CCSER2: variants seen among roughly 807,000 people sequenced by gnomAD.
CCSER2 encodes coiled-coil serine rich protein 2.
In CCSER2, 46 loss-of-function variants were observed where a neutral mutation model predicts 92.3. The ratio of observed to expected loss-of-function variants is 0.50; its 90% CI spans 0.39 to 0.64. The LOEUF (loss-of-function observed/expected upper bound fraction) is 0.64. CCSER2 is among the 30% of genes least tolerant of loss of function. The probability of loss-of-function intolerance (pLI) is 0.00; values close to 1 mark genes in which losing one functional copy is unlikely to be tolerated. For missense variants in CCSER2, 1,244 were observed against 1,238.9 expected (o/e 1.00, Z -0.06); for synonymous variants, 433 against 431.4 (o/e 1.00, Z -0.04).
intron 3 of CCSER2, chr10:84,392,041 G>C (rs1841549328): frequency 3.3e-6 from 4 of 1,211,304 alleles, no homozygotes; most frequent in Non-Finnish European, 4.9e-6. Flanking sequence ...AGCTGTTTAT[G>C]GTGTTTAATA....
chr10:84,373,487 A>G, intron 2 of CCSER2, 132 bp from the exon 3 acceptor site: 1 of 627,876 alleles, frequency 1.6e-6, no homozygotes, highest in Non-Finnish European at 2.7e-6. Context: ...GGATATAGAA[A>G]ATGCTACAGT....
At chr10:84,457,463 A>AAT (rs1288537809) in intron 6 of CCSER2, among the ~76,000 whole-genome samples, 5 of 111,286 alleles carry the variant, frequency 4.5e-5, no homozygotes, top group African/African-American at 1.1e-4. Flanking sequence ...TAAAATATAT[A>AAT]ATATATATAT....
chr10:84,456,914 C>G (rs1478438953), intron 6 of CCSER2, among the ~76,000 whole-genome samples: 1 of 151,626 alleles, frequency 6.6e-6, no homozygotes, highest in Non-Finnish European at 1.5e-5. Context: ...CCTATTAACA[C>G]AAATGTCTTT....
chr10:84,387,359 G>A (rs1223910537), intron 3 of CCSER2, among the ~76,000 whole-genome samples: 1 of 151,996 alleles, frequency 6.6e-6, no homozygotes, highest in African/African-American at 2.4e-5. Context: ...TTTCTGTGCT[G>A]TGATACTGAC....
In CCSER2 at chr10:84,410,188, G is replaced by A. The variant is rs1046958821; in HGVS notation, c.1615-7583G>A. On this transcript the variant is annotated intron_variant, in intron 3 of 9. Transcript: ENST00000372088. The stretch of plus-strand genomic sequence containing the variant: ...TAATGGGAATTTAGGTTGATTCCAT[G>A]TCTCTGCTACTGTGAATAGTGCTGT... Among the ~76,000 whole-genome samples the A allele has an allele frequency of 2.0e-5, 3 of 152,140 alleles. No individual in the cohort carries two copies. The South Asian group carries it at 6.2e-4, about 32-fold the overall frequency.
At chr10:84,368,168 A>C (rs1266145349) in intron 1 of CCSER2, among the ~76,000 whole-genome samples, 2 of 152,100 alleles carry the variant, frequency 1.3e-5, no homozygotes, top group African/African-American at 4.8e-5. Context: ...GGGCATGGCA[A>C]ATCAAATTTT....
At chr10:84,375,313 C>G (rs140770427) in intron 3 of CCSER2, among the ~76,000 whole-genome samples, 120 of 152,210 alleles carry the variant, frequency 7.9e-4, no homozygotes, top group African/African-American at 2.8e-3. Flanking sequence ...AAAAAACATC[C>G]ATTCTGTGCT....
At position 84,518,372 on chromosome 10, in the gene CCSER2, A is replaced by T. The variant is rs1275857790; in HGVS notation, c.*4105A>T. On this transcript the variant is annotated 3_prime_UTR_variant, in exon 10 of 10. Transcript: ENST00000372088. Reference sequence around the variant, plus strand: ...AAAGAGCAAAAATAATATCTGCAGTATTGTTTTTCCCATTGATTTTAAGTC... The same window carrying T: ...AAAGAGCAAAAATAATATCTGCAGTTTTGTTTTTCCCATTGATTTTAAGTC... 1 of 152,670 alleles carries T rather than the reference A, an allele frequency of 6.6e-6. No individual in the cohort carries two copies. Among genetic ancestry groups the T allele is most frequent in the Non-Finnish European group, 1.5e-5 (1 of 68,044 alleles). The allele number at this position is 152,670 out of a possible 1,614,324, so 9.5% of individuals were successfully genotyped here. A position where few individuals can be genotyped will look rare whatever the true frequency, so the allele number is the denominator to read the frequency against.
At chr10:84,348,241 A>G (rs1174693658) in intron 1 of CCSER2, among the ~76,000 whole-genome samples, 1 of 152,360 alleles carries the variant, frequency 6.6e-6, no homozygotes, top group Non-Finnish European at 1.5e-5. Flanking sequence ...ACTCGCGGTT[A>G]GGAGCTGGAG....
intron 1 of CCSER2, among the ~76,000 whole-genome samples, chr10:84,360,533 C>T (rs7919403): frequency 0.21 from 31,738 of 152,106 alleles, 3,575 homozygotes; most frequent in Admixed American, 0.34. Context: ...TGAAGTATAA[C>T]TTACATACAA....
At position 84,425,763 on chromosome 10, in the gene CCSER2, C is replaced by G; in HGVS notation, c.1738C>G (p.Pro580Ala). 1 of 1,613,162 alleles carries G rather than the reference C, an allele frequency of 6.2e-7. No homozygotes were observed. Residue 580 changes from proline to alanine, a missense_variant, in exon 5 of 10, where the codon CCA becomes GCA. Transcript: ENST00000372088. The stretch of plus-strand genomic sequence containing the variant: ...TGACAATATGAACCGCTTTGACCGA[C>G]CAGACAGAAATGTTCGGCAGCCTCA... ...ECDNMNRFDR[P>A]DRNVRQPQEG... is the part of the protein sequence containing the mutation.
chr10:84,470,013 A>ATTTTT (rs67106487), intron 7 of CCSER2, among the ~76,000 whole-genome samples: 22 of 96,500 alleles, frequency 2.3e-4, no homozygotes, highest in East Asian at 8.9e-4. Flanking sequence ...TTTGTATGTG[A>ATTTTT]TTTTTTTTTT....
chr10:84,349,538 T>G (rs1844747368), intron 1 of CCSER2, among the ~76,000 whole-genome samples: 1 of 151,730 alleles, frequency 6.6e-6, no homozygotes, highest in African/African-American at 2.4e-5. Context: ...AAAAGTTAGC[T>G]GGGTGTGGTG....
At position 84,371,723 on chromosome 10, in the gene CCSER2, T is replaced by A; in HGVS notation, c.671T>A (p.Phe224Tyr). The A allele has an allele frequency of 6.2e-7, 1 of 1,613,602 alleles. No homozygotes were observed. The highest frequency in any genetic ancestry group is 8.5e-7 in the Non-Finnish European group (1 of 1,179,820). Residue 224 changes from phenylalanine to tyrosine, a missense_variant, in exon 2 of 10, where the codon TTT becomes TAT. Transcript: ENST00000372088. ...GAAAAAATGGTAAGGTCACAAAGTT[T>A]TTCACATTCCATTCAGAATTCATTC... ...NCEKMVRSQSFSHSIQNSFLP... is the reference protein window; with the variant it reads ...NCEKMVRSQSYSHSIQNSFLP...
In CCSER2 at chr10:84,515,447, CTGTT is replaced by C. The variant is rs900335052; in HGVS notation, c.*1186_*1189del. 2.0e-5 allele frequency: 3 copies of C among 151,686 alleles called. No individual in the cohort carries two copies. Among genetic ancestry groups the C allele is most frequent in the African/African-American group, 7.3e-5 (3 of 41,274 alleles). The allele number at this position is 151,686 out of a possible 1,614,324, so 9.4% of individuals were successfully genotyped here. A position where few individuals can be genotyped will look rare whatever the true frequency, so the allele number is the denominator to read the frequency against. ...CCTTTTCTGTGTTTTTTGTTTTTTTCTGTTTGTTTTTTGAGACAGAGTCTTGCTC... is the reference window on the plus strand; with the variant it reads ...CCTTTTCTGTGTTTTTTGTTTTTTTCTGTTTTTTGAGACAGAGTCTTGCTC... On this transcript the variant is annotated 3_prime_UTR_variant, in exon 10 of 10. Transcript: ENST00000372088.
intron 6 of CCSER2, among the ~76,000 whole-genome samples, chr10:84,445,673 G>C (rs1844869446): frequency 6.6e-6 from 1 of 152,098 alleles, no homozygotes; most frequent in East Asian, 1.9e-4. Flanking sequence ...AAATATAGAT[G>C]AATTTGTCTG....
intron 7 of CCSER2, among the ~76,000 whole-genome samples, chr10:84,465,545 C>T (rs1463901352): frequency 3.3e-5 from 5 of 151,470 alleles, no homozygotes; most frequent in African/African-American, 9.7e-5. Context: ...AGGCTGGTCT[C>T]GAACTCCTGA....
At chr10:84,385,045 AT>A (rs1211167636) in intron 3 of CCSER2, among the ~76,000 whole-genome samples, 1 of 151,402 alleles carries the variant, frequency 6.6e-6, no homozygotes, top group African/African-American at 2.4e-5. Flanking sequence ...CCAGGAATAC[AT>A]TTAACCAAGG....
chr10:84,384,847 A>G (rs1285990960), intron 3 of CCSER2, among the ~76,000 whole-genome samples: 2 of 152,200 alleles, frequency 1.3e-5, no homozygotes. Flanking sequence ...ATATGATCTT[A>G]TGCTTAGAAA....
Sources: allele counts gnomAD v4.1 joint callset (sites outside exome capture counted in the v4.1 genomes callset), GRCh38; gene constraint gnomAD v4.1.1; transcripts MANE v1.5; gene names NCBI Gene and HGNC (gene_info 2026-07-23, HGNC 2026-07-21).